The following CNTNAP2 variants were observed in gnomAD, a reference collection of about 807,000 sequenced individuals.
The protein encoded by CNTNAP2 is contactin associated protein 2.
A neutral mutation model predicts 155.2 loss-of-function variants in CNTNAP2; 98 were observed. That is an observed-to-expected ratio of 0.63 (90% CI 0.54 to 0.75). The LOEUF is 0.75. Among genes scored for constraint, CNTNAP2 ranks in the 30% least tolerant of loss-of-function variants. The pLI is 0.00. For synonymous variants in CNTNAP2, 651 were observed against 631.2 expected (o/e 1.03, Z -0.47); for missense variants, 1,727 against 1,688.1 (o/e 1.02, Z -0.40).
chr7:148,389,234 C>G (rs1051435400), intron 22 of CNTNAP2, among the ~76,000 whole-genome samples: 9 of 152,162 alleles, frequency 5.9e-5, no homozygotes, highest in African/African-American at 1.7e-4. Flanking sequence ...CTTGAATTCC[C>G]ATGTGTTGTG....
At chr7:147,405,972 C>A (rs1044344840) in intron 10 of CNTNAP2, among the ~76,000 whole-genome samples, 1 of 152,070 alleles carries the variant, frequency 6.6e-6, no homozygotes, top group Non-Finnish European at 1.5e-5. Context: ...CAGAGTAATT[C>A]CCTCTAACAA....
chr7:146,784,943 A>G (rs1200036777), intron 2 of CNTNAP2, among the ~76,000 whole-genome samples: 2 of 151,926 alleles, frequency 1.3e-5, no homozygotes, highest in Non-Finnish European at 2.9e-5. Context: ...GTTTACGAGA[A>G]TAATCATTTA....
chr7:147,760,322 G>A (rs1225606811), intron 13 of CNTNAP2, among the ~76,000 whole-genome samples: 1 of 151,874 alleles, frequency 6.6e-6, no homozygotes, highest in Non-Finnish European at 1.5e-5. Flanking sequence ...ACTACCCTAG[G>A]AATTAAATGT....
At chr7:148,253,510 T>C (rs192278887) in intron 20 of CNTNAP2, among the ~76,000 whole-genome samples, 2 of 152,326 alleles carry the variant, frequency 1.3e-5, no homozygotes, top group East Asian at 3.9e-4. Flanking sequence ...TGAGCCCAGC[T>C]GGGAACATCT....
At chr7:147,891,174 TCAAC>T (rs1250170628) in intron 13 of CNTNAP2, among the ~76,000 whole-genome samples, 2 of 151,356 alleles carry the variant, frequency 1.3e-5, no homozygotes, top group African/African-American at 4.9e-5. Context: ...AACAAGAAAA[TCAAC>T]CATACAGTAG....
At chr7:146,623,629 T>C (rs746083281) in intron 1 of CNTNAP2, among the ~76,000 whole-genome samples, 3 of 152,224 alleles carry the variant, frequency 2.0e-5, no homozygotes, top group Non-Finnish European at 4.4e-5. Context: ...TATATAGTTG[T>C]ATCACAGTTT....
At chr7:146,391,382 C>A (rs1400810512) in intron 1 of CNTNAP2, among the ~76,000 whole-genome samples, 1 of 151,886 alleles carries the variant, frequency 6.6e-6, no homozygotes, top group East Asian at 1.9e-4. Context: ...TGCTTTTTAT[C>A]TTTCAAAACA....
At chr7:147,253,297 T>C (rs951497636) in intron 8 of CNTNAP2, among the ~76,000 whole-genome samples, 1 of 151,696 alleles carries the variant, frequency 6.6e-6, no homozygotes, top group Non-Finnish European at 1.5e-5. Flanking sequence ...GCACCATTTT[T>C]AACAAACCTG....
At chr7:147,311,571 T>C (rs2692169) in intron 9 of CNTNAP2, among the ~76,000 whole-genome samples, 74,328 of 151,654 alleles carry the variant, frequency 0.49, 19,365 homozygotes, top group East Asian at 0.73. Flanking sequence ...TGACCTCAGG[T>C]AGGAAGGGAA....
chr7:147,959,620 T>G (rs552445541), intron 14 of CNTNAP2, among the ~76,000 whole-genome samples: 17 of 152,234 alleles, frequency 1.1e-4, no homozygotes, highest in African/African-American at 3.6e-4. Flanking sequence ...TTGAATTACA[T>G]GTAGATTAAG....
intron 1 of CNTNAP2, among the ~76,000 whole-genome samples, chr7:146,720,402 T>C (rs1801265434): frequency 6.6e-6 from 1 of 152,112 alleles, no homozygotes; most frequent in African/African-American, 2.4e-5. Flanking sequence ...CAATTATCTA[T>C]TATGCTTAGG....
At chr7:147,282,119 C>T (rs901609641) in intron 8 of CNTNAP2, among the ~76,000 whole-genome samples, 1 of 151,870 alleles carries the variant, frequency 6.6e-6, no homozygotes, top group Admixed American at 6.6e-5. Context: ...TCTTAGTCCT[C>T]CTTGTTCTTC....
intron 15 of CNTNAP2, among the ~76,000 whole-genome samples, chr7:148,032,205 T>A (rs968853896): frequency 1.3e-5 from 2 of 152,192 alleles, no homozygotes; most frequent in African/African-American, 2.4e-5. Context: ...GCTGTGGTCA[T>A]GGCTCTATTG....
rs529155768 is a variant in CNTNAP2 at position 147,314,151 on chromosome 7, G to A, written c.1498+13861G>A. Among the ~76,000 whole-genome samples the A allele has an allele frequency of 5.9e-5, 9 of 152,144 alleles. No homozygotes were observed. The South Asian group carries it at 1.5e-3, about 25-fold the overall frequency. On this transcript the variant is annotated intron_variant, in intron 9 of 23. Transcript: ENST00000361727. ...TTTGCTGAGATAAGAAATTTTGTAA[G>A]ACTTTTTGGCTTTCAAGACCCTAAA...
At chr7:147,456,426 C>T (rs1228924756) in intron 10 of CNTNAP2, among the ~76,000 whole-genome samples, 1 of 152,098 alleles carries the variant, frequency 6.6e-6, no homozygotes, top group Admixed American at 6.6e-5. Context: ...AAATCACTAG[C>T]CTACATGTAA....
At chr7:146,527,872 C>A (rs1229181846) in intron 1 of CNTNAP2, among the ~76,000 whole-genome samples, 1 of 150,044 alleles carries the variant, frequency 6.7e-6, no homozygotes, top group East Asian at 1.9e-4. Flanking sequence ...AAAACTGAAT[C>A]ATTTAATGTG....
intron 4 of CNTNAP2, among the ~76,000 whole-genome samples, chr7:147,047,948 G>A (rs1051197788): frequency 6.6e-6 from 1 of 152,052 alleles, no homozygotes; most frequent in Non-Finnish European, 1.5e-5. Flanking sequence ...TAGCATTTCA[G>A]TTGGATGTAG....
chr7:146,826,847 T>G (rs576581601), intron 2 of CNTNAP2, among the ~76,000 whole-genome samples: 4 of 142,118 alleles, frequency 2.8e-5, no homozygotes, highest in African/African-American at 9.0e-5. Context: ...TATATATATA[T>G]ATATATATAT....
chr7:147,776,088 T>C (rs989328864), intron 13 of CNTNAP2, among the ~76,000 whole-genome samples: 2 of 152,088 alleles, frequency 1.3e-5, no homozygotes, highest in Non-Finnish European at 2.9e-5. Context: ...TGTTGAAAAG[T>C]ACTAGAAATG....
Sources: allele counts gnomAD v4.1 joint callset (sites outside exome capture counted in the v4.1 genomes callset), GRCh38; gene constraint gnomAD v4.1.1; transcripts MANE v1.5; gene names NCBI Gene and HGNC (gene_info 2026-07-23, HGNC 2026-07-21).